The following EBF2 variants were observed in gnomAD, a reference collection of about 807,000 sequenced individuals.
EBF2 encodes EBF transcription factor 2.
Under a neutral mutation model 72.8 loss-of-function variants are expected in EBF2, and 21 were observed. The ratio of observed to expected loss-of-function variants is 0.29; its 90% CI spans 0.20 to 0.42. EBF2 has a LOEUF of 0.42. Ranked by LOEUF, EBF2 falls within the 10% of genes least tolerant of loss-of-function variation. The pLI is 1.00. For missense variants in EBF2, 637 were observed against 731.2 expected (o/e 0.87, Z 1.49); for synonymous variants, 299 against 274.2 (o/e 1.09, Z -0.89).
chr8:25,881,468 T>C (rs758388144), intron 10 of EBF2, among the ~76,000 whole-genome samples: 3 of 152,362 alleles, frequency 2.0e-5, no homozygotes, highest in Non-Finnish European at 4.4e-5. Flanking sequence ...CAACTCCTTT[T>C]AGTCCTCATC....
At chr8:25,925,536 C>A (rs530227717) in intron 6 of EBF2, among the ~76,000 whole-genome samples, 21 of 152,326 alleles carry the variant, frequency 1.4e-4, no homozygotes, top group Admixed American at 7.8e-4. Flanking sequence ...GCTCTCACCC[C>A]CCAACCCACC....
At chr8:26,005,069 C>T (rs893383849) in intron 6 of EBF2, among the ~76,000 whole-genome samples, 1 of 149,210 alleles carries the variant, frequency 6.7e-6, no homozygotes, top group Non-Finnish European at 1.5e-5. Context: ...TGCCCAGAAA[C>T]ACAAGTACAA....
At chr8:26,042,648 G>T (rs1805625396) in intron 1 of EBF2, among the ~76,000 whole-genome samples, 2 of 152,232 alleles carry the variant, frequency 1.3e-5, no homozygotes, top group Admixed American at 6.5e-5. Flanking sequence ...GTACTGCTGG[G>T]TGTATCAGGA....
intron 6 of EBF2, among the ~76,000 whole-genome samples, chr8:26,011,328 G>A (rs1049674615): frequency 2.0e-5 from 3 of 152,178 alleles, no homozygotes; most frequent in Admixed American, 6.5e-5. Context: ...CGATAGCAGC[G>A]ACCAATCATT....
intron 6 of EBF2, among the ~76,000 whole-genome samples, chr8:26,029,066 A>G (rs966354800): frequency 6.6e-6 from 1 of 152,246 alleles, no homozygotes; most frequent in Admixed American, 6.5e-5. Flanking sequence ...ATTGGGGGAA[A>G]AAACTCCAAC....
chr8:25,962,111 G>A (rs994384788), intron 6 of EBF2, among the ~76,000 whole-genome samples: 14 of 152,052 alleles, frequency 9.2e-5, no homozygotes, highest in Non-Finnish European at 1.3e-4. Context: ...CCACGTACAC[G>A]TCTTACTTGT....
At chr8:25,918,062 C>T (rs1803253599) in intron 6 of EBF2, among the ~76,000 whole-genome samples, 1 of 152,182 alleles carries the variant, frequency 6.6e-6, no homozygotes. Flanking sequence ...AAAAGAAACC[C>T]TTATTTACCC....
chr8:25,991,630 G>A (rs1339213788), intron 6 of EBF2, among the ~76,000 whole-genome samples: 1 of 152,158 alleles, frequency 6.6e-6, no homozygotes, highest in East Asian at 1.9e-4. Flanking sequence ...CAGATCACTT[G>A]AGGTCAGGAG....
At chr8:25,866,557 T>C (rs1029618104) in intron 10 of EBF2, among the ~76,000 whole-genome samples, 8 of 139,834 alleles carry the variant, frequency 5.7e-5, no homozygotes, top group Non-Finnish European at 1.2e-4. Context: ...GTAATTTTTA[T>C]GTATTATATA....
intron 5 of EBF2, among the ~76,000 whole-genome samples, chr8:26,038,823 C>T (rs1805550403): frequency 6.6e-6 from 1 of 152,162 alleles, no homozygotes; most frequent in African/African-American, 2.4e-5. Flanking sequence ...AAAACCAAAA[C>T]AAACATGTCT....
chr8:26,042,810 C>A (rs1049976840), intron 1 of EBF2, among the ~76,000 whole-genome samples: 2 of 152,152 alleles, frequency 1.3e-5, no homozygotes, highest in African/African-American at 4.8e-5. Context: ...GGTAAGAACC[C>A]CAAGGGGCAG....
chr8:25,920,700 C>A (rs1803292582), intron 6 of EBF2, among the ~76,000 whole-genome samples: 1 of 108,348 alleles, frequency 9.2e-6, no homozygotes, highest in South Asian at 2.7e-4. Flanking sequence ...TGCACTTTGG[C>A]TAATGGATTT....
chr8:25,972,870 CTTT>C (rs35053241), intron 6 of EBF2, among the ~76,000 whole-genome samples: 3 of 124,736 alleles, frequency 2.4e-5, no homozygotes, highest in Admixed American at 8.1e-5. Context: ...TGCAGTTTGG[CTTT>C]TTTTTTTTTT....
chr8:26,034,666 C>T (rs1217530313), intron 5 of EBF2, among the ~76,000 whole-genome samples: 1 of 152,200 alleles, frequency 6.6e-6, no homozygotes, highest in Non-Finnish European at 1.5e-5. Context: ...CCTCTCAGCT[C>T]ATCTCAGGTA....
intron 6 of EBF2, among the ~76,000 whole-genome samples, chr8:25,935,122 T>C (rs1483586601): frequency 6.6e-6 from 1 of 152,198 alleles, no homozygotes; most frequent in African/African-American, 2.4e-5. Context: ...TGGATGGTGG[T>C]ACCCAAGGCC....
Position 26,044,692 on chromosome 8 carries a change from G to A in EBF2, c.131+37C>T. 4.4e-6 allele frequency: 7 copies of A among 1,607,900 alleles called. No homozygotes were observed. Among genetic ancestry groups the A allele is most frequent in the Non-Finnish European group, 6.0e-6 (7 of 1,175,708 alleles). ...ACACGGAGAGACAGACCGTAAGAGC[G>A]AGAGACAGCATAATAATTGCGCGGC... On this transcript the variant is annotated intron_variant, in intron 1 of 15. Coordinates refer to ENST00000520164, the MANE Select transcript of EBF2 (RefSeq NM_022659.4). The surrounding 1 kb of genome is among the most constrained non-coding windows in gnomAD (Gnocchi z 4.1).
At chr8:26,017,930 C>A (rs1805138624) in intron 6 of EBF2, among the ~76,000 whole-genome samples, 1 of 152,088 alleles carries the variant, frequency 6.6e-6, no homozygotes. Context: ...TTAATGCATG[C>A]ACTTGGCGCA....
chr8:25,989,461 T>C (rs981085397), intron 6 of EBF2, among the ~76,000 whole-genome samples: 1 of 152,220 alleles, frequency 6.6e-6, no homozygotes, highest in African/African-American at 2.4e-5. Flanking sequence ...AAAAAAGACA[T>C]GATTTATAAA....
chr8:25,900,733 T>C (rs1474837938), intron 7 of EBF2, among the ~76,000 whole-genome samples: 1 of 152,004 alleles, frequency 6.6e-6, no homozygotes, highest in East Asian at 1.9e-4. Context: ...GTGAAGTTCA[T>C]TAAAAACTAA....
Sources: gnomAD v4.1 joint callset for allele counts (sites outside exome capture counted in the v4.1 genomes callset) on GRCh38, gnomAD v4.1.1 for gene constraint, Gnocchi (gnomAD v3.1) non-coding constraint, MANE v1.5 for transcripts, NCBI Gene and HGNC (gene_info 2026-07-23, HGNC 2026-07-21) for gene names.